Variants in HDAC9 observed in about 807,000 individuals in gnomAD.
The protein encoded by HDAC9 is MEF-2 interacting transcription repressor (MITR) protein.
In HDAC9, 41 loss-of-function variants were observed where a neutral mutation model predicts 139.4. The observed-to-expected ratio is 0.29, with a 90% CI of 0.23 to 0.38. The LOEUF is 0.38. Among genes scored for constraint, HDAC9 ranks in the 10% least tolerant of loss-of-function variants. The probability of loss-of-function intolerance (pLI) is 1.00; values close to 1 mark genes in which losing one functional copy is unlikely to be tolerated. For missense variants in HDAC9, 1,147 were observed against 1,297.0 expected (o/e 0.88, Z 1.78); for synonymous variants, 517 against 476.2 (o/e 1.09, Z -1.12).
At chr7:18,369,487 C>T (rs536109529) in intron 1 of HDAC9, among the ~76,000 whole-genome samples, 4 of 151,362 alleles carry the variant, frequency 2.6e-5, no homozygotes, top group Non-Finnish European at 5.9e-5. Context: ...TTTCTTTCTC[C>T]TCCCTTTTTT....
At chr7:18,988,469 A>C (rs1327024114) in intron 25 of HDAC9, among the ~76,000 whole-genome samples, 3 of 150,816 alleles carry the variant, frequency 2.0e-5, no homozygotes, top group Non-Finnish European at 4.4e-5. Flanking sequence ...TGCTGAGGAG[A>C]GCTTTACTTC....
At chr7:18,668,867 G>A (rs1795477950) in intron 12 of HDAC9, 1 of 982,122 alleles carries the variant, frequency 1.0e-6, no homozygotes, top group Admixed American at 6.4e-5. Flanking sequence ...ACTTGGCTTT[G>A]TGTAAACTTG....
chr7:18,597,852 G>C (rs1832900348), intron 6 of HDAC9, among the ~76,000 whole-genome samples: 1 of 152,102 alleles, frequency 6.6e-6, no homozygotes, highest in South Asian at 2.1e-4. Context: ...GGGCTGATAA[G>C]AGACTTTTCC....
Position 18,608,032 on chromosome 7 carries a change from G to C in HDAC9, c.664+14003G>C, listed in dbSNP as rs1836008491. Among the ~76,000 whole-genome samples the C allele has an allele frequency of 2.0e-5, 3 of 152,218 alleles. No homozygotes were observed. The South Asian group carries it at 6.2e-4, about 32-fold the overall frequency. On this transcript the variant is annotated intron_variant, in intron 6 of 25. Transcript: ENST00000686413. ...AGACTTTAAAAGCATTTAGCCATCTGTTGTATAATCATGAGATTTATTGAA... is the reference window on the plus strand; with the variant it reads ...AGACTTTAAAAGCATTTAGCCATCTCTTGTATAATCATGAGATTTATTGAA...
chr7:18,097,480 T>A (rs1584021510), intron 1 of HDAC9, among the ~76,000 whole-genome samples: 2 of 148,834 alleles, frequency 1.3e-5, no homozygotes, highest in African/African-American at 5.0e-5. Flanking sequence ...TTTTTTTTTT[T>A]AATGACCCAG....
chr7:18,977,297 G>A (rs1784608135), intron 25 of HDAC9, among the ~76,000 whole-genome samples: 1 of 152,120 alleles, frequency 6.6e-6, no homozygotes, highest in Non-Finnish European at 1.5e-5. Flanking sequence ...ACAGTTAGTT[G>A]TCTGTCATCT....
intron 21 of HDAC9, 60 bp downstream of exon 21, chr7:18,836,057 C>A: frequency 1.2e-6 from 1 of 868,018 alleles, no homozygotes; most frequent in Non-Finnish European, 1.8e-6. Context: ...ATTGAAATAA[C>A]ACCAAATATG....
chr7:18,088,860 C>A (rs1169101378), intron 1 of HDAC9, among the ~76,000 whole-genome samples: 2 of 152,126 alleles, frequency 1.3e-5, no homozygotes, highest in Admixed American at 1.3e-4. Context: ...ATTTCCAAAA[C>A]AACATAATTT....
intron 1 of HDAC9, among the ~76,000 whole-genome samples, chr7:18,103,804 G>A (rs559719420): frequency 3.3e-5 from 5 of 151,860 alleles, no homozygotes; most frequent in East Asian, 2.0e-4. Flanking sequence ...CATAAAGATC[G>A]AAATATTTCT....
intron 1 of HDAC9, among the ~76,000 whole-genome samples, chr7:18,095,575 A>G (rs1402311349): frequency 6.6e-6 from 1 of 152,194 alleles, no homozygotes; most frequent in Non-Finnish European, 1.5e-5. Context: ...CCTTCTCCAA[A>G]TAAAACACCA....
At chr7:18,454,492 T>A (rs1793165940) in intron 1 of HDAC9, among the ~76,000 whole-genome samples, 3 of 151,522 alleles carry the variant, frequency 2.0e-5, no homozygotes, top group Non-Finnish European at 1.5e-5. Context: ...GCCAGTGGAG[T>A]TGGAAGTCAA....
chr7:18,741,928 A>C (rs1292395787), intron 13 of HDAC9, among the ~76,000 whole-genome samples: 1 of 152,216 alleles, frequency 6.6e-6, no homozygotes, highest in Non-Finnish European at 1.5e-5. Flanking sequence ...ATGGAACCTC[A>C]ATATATCACT....
intron 1 of HDAC9, among the ~76,000 whole-genome samples, chr7:18,455,434 C>A (rs941969996): frequency 6.6e-6 from 1 of 152,104 alleles, no homozygotes; most frequent in Non-Finnish European, 1.5e-5. Context: ...TGTATAATTA[C>A]AGCATTTAAA....
intron 6 of HDAC9, among the ~76,000 whole-genome samples, chr7:18,628,481 A>G (rs972202050): frequency 6.6e-6 from 1 of 152,322 alleles, no homozygotes; most frequent in South Asian, 2.1e-4. Flanking sequence ...CATGATGATC[A>G]TTACCACCAC....
At chr7:18,120,829 A>G (rs1310396438) in intron 1 of HDAC9, among the ~76,000 whole-genome samples, 1 of 152,124 alleles carries the variant, frequency 6.6e-6, no homozygotes, top group Non-Finnish European at 1.5e-5. Context: ...AAGCAATTTG[A>G]TTTGCTCTTC....
In HDAC9 at chr7:19,000,486, C is replaced by G. The variant is rs1223370314; in HGVS notation, c.*4424C>G. 1 of 152,218 alleles carries G rather than the reference C, an allele frequency of 6.6e-6. No homozygotes were observed. The highest frequency in any genetic ancestry group is 1.9e-4 in the East Asian group (1 of 5,202). The allele number at this position is 152,218 out of a possible 1,614,324, so 9.4% of individuals were successfully genotyped here. ...ACTCACACATGCTATACTCATACTA[C>G]ATAACTTAGTTTCTCCAAATCAACT... On this transcript the variant is annotated 3_prime_UTR_variant, in exon 26 of 26. Coordinates refer to ENST00000686413, the MANE Select transcript of HDAC9 (RefSeq NM_178425.4).
intron 6 of HDAC9, among the ~76,000 whole-genome samples, chr7:18,608,998 G>T (rs1836319437): frequency 6.6e-6 from 1 of 152,118 alleles, no homozygotes; most frequent in South Asian, 2.1e-4. Flanking sequence ...AAGACATTAA[G>T]ATGTTATTAT....
chr7:18,102,824 G>T (rs562853572), intron 1 of HDAC9, among the ~76,000 whole-genome samples: 2 of 152,204 alleles, frequency 1.3e-5, no homozygotes, highest in Non-Finnish European at 2.9e-5. Context: ...AAAGGACGGG[G>T]TGTGCTGTCT....
intron 12 of HDAC9, among the ~76,000 whole-genome samples, chr7:18,684,886 G>T (rs1782155948): frequency 6.6e-6 from 1 of 151,970 alleles, no homozygotes; most frequent in South Asian, 2.1e-4. Context: ...CAATCTTCTA[G>T]TTTTTTATCA....
Sources: allele counts gnomAD v4.1 joint callset (sites outside exome capture counted in the v4.1 genomes callset), GRCh38; gene constraint gnomAD v4.1.1; transcripts MANE v1.5; gene names NCBI Gene and HGNC (gene_info 2026-07-23, HGNC 2026-07-21).